Variants in KALRN observed in about 807,000 individuals in gnomAD.
KALRN encodes the protein kalirin RhoGEF kinase.
In KALRN, 70 loss-of-function variants were observed where a neutral mutation model predicts 353.7. The observed-to-expected ratio is 0.20, with a 90% confidence interval of 0.16 to 0.24. The LOEUF is 0.24. Ranked by LOEUF, KALRN falls within the 10% of genes least tolerant of loss-of-function variation. The pLI is 1.00. For synonymous variants in KALRN, 1,391 were observed against 1,434.8 expected (o/e 0.97, Z 0.69); for missense variants, 2,791 against 3,756.7 (o/e 0.74, Z 6.72).
At chr3:124,388,040 A>T (rs2149982436) in intron 11 of KALRN, among the ~76,000 whole-genome samples, 1 of 152,272 alleles carries the variant, frequency 6.6e-6, no homozygotes, top group South Asian at 2.1e-4. Context: ...ATGTGTACAC[A>T]TGCACATATA....
At chr3:124,322,548 A>G (rs1372681057) in intron 6 of KALRN, among the ~76,000 whole-genome samples, 1 of 152,188 alleles carries the variant, frequency 6.6e-6, no homozygotes, top group African/African-American at 2.4e-5. Flanking sequence ...GGAAAGCTGT[A>G]AAGAGCCAAA....
intron 1 of KALRN, among the ~76,000 whole-genome samples, chr3:124,038,181 G>A (rs528328490): frequency 1.1e-4 from 16 of 152,150 alleles, no homozygotes; most frequent in Non-Finnish European, 2.1e-4. Flanking sequence ...GAGACCCCAG[G>A]GAGTCAGTGT....
At chr3:124,560,012 A>G (rs989374098) in intron 33 of KALRN, among the ~76,000 whole-genome samples, 1 of 152,222 alleles carries the variant, frequency 6.6e-6, no homozygotes, top group Admixed American at 6.5e-5. Context: ...GGCAGCCTAC[A>G]GGAGGCAAAC....
intron 33 of KALRN, among the ~76,000 whole-genome samples, chr3:124,516,391 C>T (rs1410122404): frequency 6.6e-6 from 1 of 152,170 alleles, no homozygotes; most frequent in Non-Finnish European, 1.5e-5. Context: ...TGGTATTACC[C>T]ACTCCATGAG....
rs1393081622 is a variant in KALRN at position 124,701,994 on chromosome 3, T to C, written c.7997-44T>C. 3 of 1,472,334 alleles carry C rather than the reference T, an allele frequency of 2.0e-6. No homozygotes were observed. In the South Asian group the frequency reaches 3.4e-5, roughly 17 times the overall value. 91.2% of individuals were successfully genotyped at this position (1,472,334 alleles called of 1,614,324 possible). A position where few individuals can be genotyped will look rare whatever the true frequency, so the allele number is the denominator to read the frequency against. ...TCTGTTAATTTTTTCTTTATTCTTA[T>C]ATGACATCCTCGATATTGTAAATGG... On this transcript the variant is annotated intron_variant, in intron 56 of 59. Coordinates refer to ENST00000682506, the MANE Select transcript of KALRN (RefSeq NM_001388419.1).
At chr3:124,559,531 A>T (rs899930026) in intron 33 of KALRN, among the ~76,000 whole-genome samples, 2 of 152,224 alleles carry the variant, frequency 1.3e-5, no homozygotes, top group African/African-American at 4.8e-5. Context: ...GGGAGCATAC[A>T]GTGAGGGGAG....
chr3:124,594,611 G>A (rs538839280), intron 34 of KALRN, among the ~76,000 whole-genome samples: 1 of 152,324 alleles, frequency 6.6e-6, no homozygotes, highest in South Asian at 2.1e-4. Context: ...TAATATAATG[G>A]TTAAGAGTTC....
intron 1 of KALRN, among the ~76,000 whole-genome samples, chr3:124,077,725 G>A (rs759688227): frequency 6.6e-6 from 1 of 152,264 alleles, no homozygotes; most frequent in East Asian, 1.9e-4. Flanking sequence ...CGTCTGATAC[G>A]TCTTCCCAAG....
chr3:124,344,405 C>T (rs112016650), intron 9 of KALRN, among the ~76,000 whole-genome samples: 12 of 152,196 alleles, frequency 7.9e-5, no homozygotes, highest in Admixed American at 1.3e-4. Flanking sequence ...ATTGTACTCC[C>T]GAGGTTGGAC....
chr3:124,036,515 T>C (rs1378382432), intron 1 of KALRN, among the ~76,000 whole-genome samples: 2 of 152,026 alleles, frequency 1.3e-5, no homozygotes, highest in Non-Finnish European at 2.9e-5. Flanking sequence ...TGAACAGTGC[T>C]GCAATGAACA....
At chr3:124,048,230 T>A (rs2040692782) in intron 1 of KALRN, among the ~76,000 whole-genome samples, 1 of 152,188 alleles carries the variant, frequency 6.6e-6, no homozygotes, top group South Asian at 2.1e-4. Flanking sequence ...TTGACACTGT[T>A]GTAAAAATAT....
intron 28 of KALRN, among the ~76,000 whole-genome samples, 191 bp from the exon 29 acceptor site, chr3:124,488,013 T>C (rs1479364877): frequency 6.6e-6 from 1 of 152,172 alleles, no homozygotes; most frequent in Non-Finnish European, 1.5e-5. Flanking sequence ...GGGCTGAGAA[T>C]GCTCAGTGTG....
intron 49 of KALRN, among the ~76,000 whole-genome samples, chr3:124,676,487 C>T (rs975360921): frequency 6.6e-6 from 1 of 152,178 alleles, no homozygotes; most frequent in Non-Finnish European, 1.5e-5. Flanking sequence ...GAGATGGAAG[C>T]TCCCCAAACC....
chr3:124,387,257 C>T (rs996007102), intron 11 of KALRN, among the ~76,000 whole-genome samples: 2 of 152,140 alleles, frequency 1.3e-5, no homozygotes, highest in Non-Finnish European at 2.9e-5. Context: ...GAACCTGAGA[C>T]TTGTTTCCTC....
chr3:124,532,066 T>C (rs1173995721), intron 33 of KALRN, among the ~76,000 whole-genome samples: 1 of 152,230 alleles, frequency 6.6e-6, no homozygotes, highest in Non-Finnish European at 1.5e-5. Flanking sequence ...ATTTATTATA[T>C]TATTCATATG....
At chr3:124,479,236 A>G (rs78254057) in intron 27 of KALRN, among the ~76,000 whole-genome samples, 51 of 152,216 alleles carry the variant, frequency 3.4e-4, no homozygotes, top group Non-Finnish European at 6.3e-4. Context: ...TATATCCCCA[A>G]ATTTCCCACC....
intron 10 of KALRN, among the ~76,000 whole-genome samples, chr3:124,367,073 C>T (rs2084882340): frequency 1.5e-5 from 2 of 130,546 alleles, no homozygotes; most frequent in African/African-American, 2.9e-5. Flanking sequence ...GACCCCCCCA[C>T]CTCCCTCCCG....
chr3:124,455,126 G>A (rs759668381), intron 21 of KALRN, 51 bp from the exon 22 acceptor site: 1 of 1,595,230 alleles, frequency 6.3e-7, no homozygotes. Context: ...TGGGGTGAAG[G>A]GGCAGGAGAA....
chr3:124,613,397 G>A (rs1356776997), intron 34 of KALRN, among the ~76,000 whole-genome samples: 1 of 152,198 alleles, frequency 6.6e-6, no homozygotes. Flanking sequence ...TACATTGGAT[G>A]TTTTTCCTGA....
Sources: allele counts gnomAD v4.1 joint callset (sites outside exome capture counted in the v4.1 genomes callset), GRCh38; gene constraint gnomAD v4.1.1; transcripts MANE v1.5; gene names NCBI Gene and HGNC (gene_info 2026-07-23, HGNC 2026-07-21).